ACO2: variants seen among roughly 807,000 people sequenced by gnomAD.
ACO2 encodes aconitase 2.
Under a neutral mutation model 84.5 loss-of-function variants are expected in ACO2, and 31 were observed. The ratio of observed to expected loss-of-function variants is 0.37; its 90% CI spans 0.28 to 0.50. ACO2 has a LOEUF of 0.50. ACO2 is among the 20% of genes least tolerant of loss of function. The pLI is 0.97. For missense variants in ACO2, 685 were observed against 1,029.3 expected, an observed-to-expected ratio of 0.67 and a Z score of 4.58; for synonymous variants, 414 against 412.7, an observed-to-expected ratio of 1.00 and a Z score of -0.04.
At chr22:41,482,130 C>T (rs2146085736) in intron 1 of ACO2, among the ~76,000 whole-genome samples, 1 of 152,322 alleles carries the variant, frequency 6.6e-6, no homozygotes, top group Non-Finnish European at 1.5e-5. Context: ...CAGCGTTTGC[C>T]CACTGTTCTG....
Position 41,522,608 on chromosome 22 carries a change from A to G in ACO2, c.1139-222A>G, listed in dbSNP as rs1960182. Among the ~76,000 whole-genome samples, 2,819 of 152,288 alleles carry G rather than the reference A, an allele frequency of 0.019. 588 individuals carry two copies. The East Asian group carries it at 0.46, about 25-fold the overall frequency. On this transcript the variant is annotated intron_variant, in intron 9 of 17. Coordinates refer to ENST00000216254, the MANE Select transcript of ACO2 (RefSeq NM_001098.3). Reference sequence around the variant, plus strand: ...TCCTAATGTGTTCAGCATCATGGCCAATGGCTACAGCATCTTTCTTCAAAT... The same window carrying G: ...TCCTAATGTGTTCAGCATCATGGCCGATGGCTACAGCATCTTTCTTCAAAT...
chr22:41,515,430 C>A lies in ACO2; in HGVS notation c.579C>A (p.Ser193=). The A allele has an allele frequency of 6.2e-7, 1 of 1,613,674 alleles. No individual in the cohort carries two copies. The highest frequency in any genetic ancestry group is 8.5e-7 in the Non-Finnish European group (1 of 1,179,954). Residue 193 remains serine, a synonymous_variant, in exon 5 of 18, where the codon TCC becomes TCA. Transcript: ENST00000216254. The surrounding 1 kb of genome is among the most constrained non-coding windows in gnomAD (Gnocchi z 5.8). ...YPGVLLIGTD[S]HTPNGGGLGG... is the part of the protein sequence containing the mutation. ...GTGTTCTTCTGATTGGCACTGACTC[C>A]CACACCCCCAATGGTGGCGGCCTTG...
intron 3 of ACO2, among the ~76,000 whole-genome samples, chr22:41,509,148 C>G (rs1030067223): frequency 6.6e-6 from 1 of 152,126 alleles, no homozygotes; most frequent in Admixed American, 6.5e-5. Context: ...TGCACATGGC[C>G]GGGAACGTGG....
chr22:41,484,408 A>T (rs1342515820), intron 1 of ACO2, among the ~76,000 whole-genome samples: 2 of 152,222 alleles, frequency 1.3e-5, no homozygotes, highest in East Asian at 3.9e-4. Context: ...CAGGCCAGGG[A>T]GCTGGTGGAT....
chr22:41,485,813 C>T (rs2038147884), intron 1 of ACO2, among the ~76,000 whole-genome samples: 1 of 151,896 alleles, frequency 6.6e-6, no homozygotes. Context: ...TCTCAAACTC[C>T]CGACCTCAGG....
chr22:41,514,870 T>A (rs568099421), intron 4 of ACO2, among the ~76,000 whole-genome samples: 1 of 152,298 alleles, frequency 6.6e-6, no homozygotes, highest in East Asian at 1.9e-4. Context: ...TTCTTTGCAG[T>A]TGAGGAAAAG....
chr22:41,521,892 C>T (rs895586683), intron 9 of ACO2, among the ~76,000 whole-genome samples: 1 of 152,060 alleles, frequency 6.6e-6, no homozygotes, highest in African/African-American at 2.4e-5. Context: ...CTGCCTCAGC[C>T]TCCCGAGTAG....
In ACO2 at chr22:41,523,884, C is replaced by T; in HGVS notation, c.1425C>T (p.Asn475=). 1 of 1,612,538 alleles carries T rather than the reference C, an allele frequency of 6.2e-7. No homozygotes were observed. Among genetic ancestry groups the T allele is most frequent in the Non-Finnish European group, 8.5e-7 (1 of 1,180,008 alleles). Residue 475 remains asparagine (N), a synonymous_variant, in exon 12 of 18, where the codon AAC becomes AAT. Coordinates refer to ENST00000216254, the MANE Select transcript of ACO2 (RefSeq NM_001098.3). ...CAATCGTCACCTCCTACAACAGGAA[C>T]TTCACGGGCCGCAACGACGCAAACC... ...KNTIVTSYNR[N]FTGRNDANPE...
rs1161976493 is a variant in ACO2, at chr22:41,507,973, C to A, written c.356C>A (p.Ala119Asp). Residue 119 changes from alanine (A) to aspartate (D), a missense_variant, in exon 3 of 18, where the codon GCT becomes GAT. By Grantham distance (126) the Ala-to-Asp change is moderately radical (BLOSUM62 -2). Around this residue, in one of 5 missense-constraint regions of ACO2, gnomAD observed 92 missense variants for 203.7 expected, o/e 0.45. Transcript: ENST00000216254. ...ATCAGCAGCGGGCTGTCCAAGGTGG[C>A]TGTGCCATCCACCATCCACTGTGAC... is the stretch of plus-strand genomic sequence containing the variant. Reference protein sequence around the residue: ...QFISSGLSKVAVPSTIHCDHL... With the variant: ...QFISSGLSKVDVPSTIHCDHL... 3.1e-6 allele frequency: 5 copies of A among 1,614,216 alleles called. No individual in the cohort carries two copies. The South Asian group carries it at 5.5e-5, about 18-fold the overall frequency.
rs550967565 is a variant in ACO2 at position 41,482,070 on chromosome 22, G to A, written c.36+12888G>A. 5.0e-4 allele frequency among the ~76,000 whole-genome samples: 76 copies of A among 152,348 alleles called. 2 individuals are homozygous for A. Among genetic ancestry groups the A allele is most frequent in the Non-Finnish European group, 1.3e-4 (9 of 68,036 alleles). On this transcript the variant is annotated intron_variant, in intron 1 of 17. Coordinates refer to ENST00000216254, the MANE Select transcript of ACO2 (RefSeq NM_001098.3). Reference sequence around the variant, plus strand: ...TTCTTCCCTTGTCTTGCCTAGCCGTGTGGTGCCTGGCTCCCCGGTGGGGGT... The same window carrying A: ...TTCTTCCCTTGTCTTGCCTAGCCGTATGGTGCCTGGCTCCCCGGTGGGGGT...
intron 3 of ACO2, among the ~76,000 whole-genome samples, chr22:41,508,514 C>G (rs2066410793): frequency 6.6e-6 from 1 of 152,246 alleles, no homozygotes; most frequent in Non-Finnish European, 1.5e-5. Flanking sequence ...GCAGTGGCAT[C>G]ATACTTGAGT....
intron 8 of ACO2, among the ~76,000 whole-genome samples, chr22:41,519,269 C>T (rs1380216431): frequency 6.6e-6 from 1 of 152,154 alleles, no homozygotes; most frequent in African/African-American, 2.4e-5. Flanking sequence ...CTAGAGGATC[C>T]CGTCTGCAGG....
chr22:41,524,383 G>A (rs887311805), intron 12 of ACO2, among the ~76,000 whole-genome samples: 5 of 152,200 alleles, frequency 3.3e-5, no homozygotes, highest in East Asian at 1.9e-4. Context: ...TGCCCTTGGC[G>A]GTATTCAGCC....
intron 1 of ACO2, among the ~76,000 whole-genome samples, chr22:41,475,169 C>CTTTTTTT (rs1161178390): frequency 8.3e-6 from 1 of 120,258 alleles, no homozygotes; most frequent in Admixed American, 8.5e-5. Context: ...TTGTTTTTTC[C>CTTTTTTT]TTTTTTTTTT....
chr22:41,512,144 C>T (rs888337653), intron 4 of ACO2, 176 bp downstream of exon 4: 4 of 526,082 alleles, frequency 7.6e-6, no homozygotes, highest in African/African-American at 2.0e-5. Flanking sequence ...TGTCATTATA[C>T]GTGCTCATTT....
chr22:41,519,808 A>AG (rs10639444), intron 8 of ACO2, among the ~76,000 whole-genome samples: 32 of 61,376 alleles, frequency 5.2e-4, no homozygotes, highest in Admixed American at 1.5e-3. Context: ...ACTCCATCTC[A>AG]AAAAAAAAAA....
chr22:41,523,566 G>A (rs1336248035), intron 11 of ACO2, among the ~76,000 whole-genome samples: 2 of 152,170 alleles, frequency 1.3e-5, no homozygotes, highest in Admixed American at 6.5e-5. Context: ...TTGGGAGGAG[G>A]CAGTGCCCCA....
At chr22:41,473,412 G>T (rs924620456) in intron 1 of ACO2, among the ~76,000 whole-genome samples, 1 of 152,182 alleles carries the variant, frequency 6.6e-6, no homozygotes, top group Non-Finnish European at 1.5e-5. Context: ...GCTGAGGCAG[G>T]AGAATCACTT....
intron 12 of ACO2, 54 bp downstream of exon 12, chr22:41,523,995 G>T: frequency 6.6e-7 from 1 of 1,524,894 alleles, no homozygotes; most frequent in African/African-American, 1.4e-5. Flanking sequence ...GGTCCCTGGC[G>T]GGTCAGAGGA....
Sources: allele counts gnomAD v4.1 joint callset (sites outside exome capture counted in the v4.1 genomes callset), GRCh38; gene constraint gnomAD v4.1.1; regional missense constraint gnomAD v4.1.1; non-coding constraint Gnocchi (gnomAD v3.1); transcripts MANE v1.5; gene names NCBI Gene and HGNC (gene_info 2026-07-23, HGNC 2026-07-21).